Variants in CPO observed in about 807,000 individuals in gnomAD.
CPO encodes the protein metallocarboxypeptidase C.
CPO carries 43 observed loss-of-function variants against 41.2 expected under a neutral mutation model. That is an observed-to-expected ratio of 1.04 (90% CI 0.82 to 1.35). CPO has a LOEUF of 1.35. Among genes scored for constraint, CPO ranks in the 40% most tolerant of loss-of-function variants. The pLI is 0.00. For missense variants in CPO, 408 were observed against 451.7 expected (o/e 0.90, Z 0.88); for synonymous variants, 178 against 162.7 (o/e 1.09, Z -0.72).
At chr2:206,964,776 A>G (rs2105829243) in intron 7 of CPO, among the ~76,000 whole-genome samples, 1 of 152,328 alleles carries the variant, frequency 6.6e-6, no homozygotes, top group Non-Finnish European at 1.5e-5. Flanking sequence ...TTCTGCTTAA[A>G]GGGATCTGTG....
chr2:206,949,753 A>G, intron 2 of CPO, 40 bp downstream of exon 2: 1 of 1,313,706 alleles, frequency 7.6e-7, no homozygotes, highest in South Asian at 1.2e-5. Flanking sequence ...TGGTTGTCAC[A>G]ACCTACTTTA....
At chr2:206,964,836 A>G (rs1693543779) in intron 7 of CPO, among the ~76,000 whole-genome samples, 1 of 152,220 alleles carries the variant, frequency 6.6e-6, no homozygotes, top group South Asian at 2.1e-4. Context: ...TCTTTGATGG[A>G]AAGGGGTCTT....
At chr2:206,951,954 G>A (rs1285296763) in intron 2 of CPO, among the ~76,000 whole-genome samples, 1 of 152,144 alleles carries the variant, frequency 6.6e-6, no homozygotes, top group Non-Finnish European at 1.5e-5. Flanking sequence ...TACCCATGTG[G>A]TAAGCTGTTA....
At chr2:206,947,662 A>G (rs1693171682) in intron 1 of CPO, among the ~76,000 whole-genome samples, 1 of 152,190 alleles carries the variant, frequency 6.6e-6, no homozygotes, top group African/African-American at 2.4e-5. Flanking sequence ...CTGATAAAGG[A>G]CTGTTATCCA....
At chr2:206,958,558 G>A (rs1450703362) in intron 4 of CPO, among the ~76,000 whole-genome samples, 153 bp downstream of exon 4, 1 of 151,910 alleles carries the variant, frequency 6.6e-6, no homozygotes, top group Non-Finnish European at 1.5e-5. Context: ...AATTAATGAG[G>A]AACTTCACTG....
chr2:206,939,748 A>C (rs1692995143), intron 1 of CPO, 81 bp downstream of exon 1: 7 of 1,218,878 alleles, frequency 5.7e-6, no homozygotes, highest in Non-Finnish European at 8.3e-6. Context: ...AGACCAATGC[A>C]GCTGGCTTCT....
At position 206,959,531 on chromosome 2, in the gene CPO, T is replaced by C. The variant is rs1175506563; in HGVS notation, c.373-100T>C. 4.6e-6 allele frequency: 3 copies of C among 647,704 alleles called. No homozygotes were observed. The South Asian group carries it at 5.6e-5, about 12-fold the overall frequency. The allele number at this position is 647,704 out of a possible 1,614,324, so 40.1% of individuals were successfully genotyped here. On this transcript the variant is annotated intron_variant, in intron 4 of 8. Coordinates refer to ENST00000272852, the MANE Select transcript of CPO (RefSeq NM_173077.3). The stretch of plus-strand genomic sequence containing the variant: ...GCTTGGGGACTGGAGGGTGGAGGTG[T>C]GATGTACAGTCACCTCTTATAATTA...
intron 6 of CPO, among the ~76,000 whole-genome samples, chr2:206,961,535 G>T (rs1693478098): frequency 6.6e-6 from 1 of 152,126 alleles, no homozygotes; most frequent in South Asian, 2.1e-4. Context: ...CTTATCAGTA[G>T]GTTGTTGTAG....
intron 1 of CPO, among the ~76,000 whole-genome samples, chr2:206,948,712 A>C (rs1219892394): frequency 6.6e-6 from 1 of 152,232 alleles, no homozygotes; most frequent in Non-Finnish European, 1.5e-5. Context: ...AGTGAGCTAT[A>C]ATCATACCAT....
rs1693635939 is a variant in CPO, at chr2:206,969,122, C to G, written c.863-52C>G. 3.8e-6 allele frequency: 6 copies of G among 1,581,326 alleles called. No individual in the cohort carries two copies. The Admixed American group carries it at 8.4e-5, about 22-fold the overall frequency. Reference sequence around the variant, plus strand: ...TAGTTCCTGAAATGGCTATAGAAATCCATTCTTCCAAAGTATGACTTCTAC... The same window carrying G: ...TAGTTCCTGAAATGGCTATAGAAATGCATTCTTCCAAAGTATGACTTCTAC... On this transcript the variant is annotated intron_variant, in intron 8 of 8. Transcript: ENST00000272852.
At chr2:206,950,131 C>T (rs1191751184) in intron 2 of CPO, among the ~76,000 whole-genome samples, 3 of 152,100 alleles carry the variant, frequency 2.0e-5, no homozygotes, top group African/African-American at 7.2e-5. Context: ...GTAGGATTTA[C>T]AGGACACATG....
intron 2 of CPO, among the ~76,000 whole-genome samples, chr2:206,954,494 G>A (rs890497493): frequency 1.3e-5 from 2 of 152,122 alleles, no homozygotes; most frequent in African/African-American, 4.8e-5. Context: ...ATCACTATCA[G>A]TATTTTGGTC....
chr2:206,945,444 C>T (rs931030325), intron 1 of CPO, among the ~76,000 whole-genome samples: 6 of 152,122 alleles, frequency 3.9e-5, no homozygotes, highest in Non-Finnish European at 7.4e-5. Flanking sequence ...TTCTTGCTTA[C>T]ATAGGGCATT....
chr2:206,948,475 T>C (rs1010940313), intron 1 of CPO, among the ~76,000 whole-genome samples: 1 of 152,174 alleles, frequency 6.6e-6, no homozygotes, highest in Non-Finnish European at 1.5e-5. Flanking sequence ...GCATTAAAAC[T>C]ATTTTGTGCC....
intron 5 of CPO, among the ~76,000 whole-genome samples, chr2:206,960,195 A>G (rs976088677): frequency 6.6e-6 from 1 of 152,230 alleles, no homozygotes; most frequent in African/African-American, 2.4e-5. Flanking sequence ...CTTTTTATGC[A>G]GCAGACAACT....
Position 206,955,517 on chromosome 2 carries a change from C to A in CPO, c.220C>A (p.His74Asn). 6.2e-7 allele frequency: 1 copy of A among 1,611,320 alleles called. No homozygotes were observed. Among genetic ancestry groups the A allele is most frequent in the Non-Finnish European group, 8.5e-7 (1 of 1,177,430 alleles). The change falls in exon 3 of 9, where the codon CAT becomes AAT. Residue 74 changes from histidine (H) to asparagine (N), a missense_variant. His to Asn is a moderately conservative substitution (Grantham distance 68). Transcript: ENST00000272852. ...GAAGTACAAGGAAGTGGTGACACAG[C>A]ATTTCCTAGGAGTGACCTATGAGAC... ...SEKYKEVVTQHFLGVTYETHP... is the reference protein window; with the variant it reads ...SEKYKEVVTQNFLGVTYETHP...
chr2:206,959,763 C>T, intron 5 of CPO, 22 bp downstream of exon 5: 1 of 1,054,828 alleles, frequency 9.5e-7, no homozygotes, highest in Non-Finnish European at 1.5e-6. Flanking sequence ...ATGTTTGGTC[C>T]TGGGATGAGT....
At chr2:206,941,487 G>A (rs377133862) in intron 1 of CPO, among the ~76,000 whole-genome samples, 10 of 151,708 alleles carry the variant, frequency 6.6e-5, no homozygotes, top group South Asian at 4.2e-4. Flanking sequence ...TGCAAATATC[G>A]TACAATGAAC....
chr2:206,942,622 C>A (rs992740588), intron 1 of CPO, among the ~76,000 whole-genome samples: 17 of 152,042 alleles, frequency 1.1e-4, no homozygotes, highest in Admixed American at 1.1e-3. Context: ...CCCAAAGGAT[C>A]ATTTTCTCTA....
Sources: allele counts gnomAD v4.1 joint callset (sites outside exome capture counted in the v4.1 genomes callset), GRCh38; gene constraint gnomAD v4.1.1; transcripts MANE v1.5; gene names NCBI Gene and HGNC (gene_info 2026-07-23, HGNC 2026-07-21).